TBC1D30: variants seen among roughly 807,000 people sequenced by gnomAD.
TBC1D30 encodes the protein TBC1 domain family member 30.
Under a neutral mutation model 63.2 loss-of-function variants are expected in TBC1D30, and 31 were observed. The ratio of observed to expected loss-of-function variants is 0.49; its 90% CI spans 0.37 to 0.66. The LOEUF is 0.66. TBC1D30 is among the 30% of genes least tolerant of loss of function. The pLI is 0.00. For synonymous variants in TBC1D30, 307 were observed against 361.5 expected, an observed-to-expected ratio of 0.85 and a Z score of 1.71; for missense variants, 810 against 953.6, an observed-to-expected ratio of 0.85 and a Z score of 1.98.
At chr12:64,760,553 AAAAC>A (rs989833634) in intron 1 of TBC1D30, among the ~76,000 whole-genome samples, 2 of 152,118 alleles carry the variant, frequency 1.3e-5, no homozygotes, top group Non-Finnish European at 2.9e-5. Flanking sequence ...CTCTTGTCTC[AAAAC>A]AAACAAACAA....
chr12:64,763,144 T>C (rs563457828), intron 1 of TBC1D30, among the ~76,000 whole-genome samples: 1 of 151,972 alleles, frequency 6.6e-6, no homozygotes, highest in Non-Finnish European at 1.5e-5. Context: ...TTAGTAGAGA[T>C]GGGGTTTCGC....
At chr12:64,861,976 C>T (rs1877832552) in intron 8 of TBC1D30, among the ~76,000 whole-genome samples, 1 of 152,144 alleles carries the variant, frequency 6.6e-6, no homozygotes, top group Admixed American at 6.6e-5. Flanking sequence ...TTGAAACCGT[C>T]TGTCCTGCAA....
In TBC1D30 at chr12:64,838,853, T is replaced by G; in HGVS notation, c.932+2T>G. 6.5e-7 allele frequency: 1 copy of G among 1,535,812 alleles called. No homozygotes were observed. The highest frequency in any genetic ancestry group is 8.7e-7 in the Non-Finnish European group (1 of 1,146,766). On this transcript the variant is annotated splice_donor_variant, in intron 7 of 11. Coordinates refer to ENST00000539867, the MANE Select transcript of TBC1D30 (RefSeq NM_015279.2). LOFTEE classifies it high-confidence loss of function. ...GGCTATCTGGGCAAAATTAGGAGAG[T>G]AAGTGATTTCCACCTTCTGCTCTGT...
intron 2 of TBC1D30, among the ~76,000 whole-genome samples, chr12:64,802,180 G>A (rs532367202): frequency 1.8e-3 from 267 of 152,184 alleles, no homozygotes; most frequent in African/African-American, 6.1e-3. Flanking sequence ...TTGCCTCCCC[G>A]ACATCATTTG....
At chr12:64,778,172 G>A (rs761388020), upstream of TBC1D30, among the ~76,000 whole-genome samples, 27 of 152,122 alleles carry the variant, frequency 1.8e-4, no homozygotes, top group Non-Finnish European at 3.8e-4. Context: ...TGCCAATACC[G>A]CTTCTAGGAT....
intron 8 of TBC1D30, among the ~76,000 whole-genome samples, chr12:64,857,570 G>C (rs933316706): frequency 6.6e-6 from 1 of 151,946 alleles, no homozygotes; most frequent in Non-Finnish European, 1.5e-5. Flanking sequence ...GAGGGATGGC[G>C]CAAGCCCTCC....
Position 64,878,383 on chromosome 12 carries a change from A to C in TBC1D30, c.*2595A>C, listed in dbSNP as rs1046403332. ...TGTATGCAAACACCAGAAGTACTTA[A>C]CAAGTAGTGGTTTCTTGATTTTTAG... On this transcript the variant is annotated 3_prime_UTR_variant, in exon 12 of 12. Coordinates refer to ENST00000539867, the MANE Select transcript of TBC1D30 (RefSeq NM_015279.2). 1 of 455,482 alleles carries C rather than the reference A, an allele frequency of 2.2e-6. No homozygotes were observed. Among genetic ancestry groups the C allele is most frequent in the Non-Finnish European group, 4.4e-6 (1 of 226,442 alleles). The allele number at this position is 455,482 out of a possible 1,614,324, so 28.2% of individuals were successfully genotyped here.
chr12:64,861,069 A>G (rs1434413637), intron 8 of TBC1D30, among the ~76,000 whole-genome samples: 1 of 152,246 alleles, frequency 6.6e-6, no homozygotes, highest in East Asian at 1.9e-4. Context: ...GACACTGCTT[A>G]AAGCAGAAGA....
intron 1 of TBC1D30, among the ~76,000 whole-genome samples, chr12:64,766,902 A>G (rs1870735321): frequency 1.3e-5 from 2 of 152,220 alleles, no homozygotes; most frequent in African/African-American, 4.8e-5. Context: ...AAATTTGGGT[A>G]GCTCACAAAT....
intron 2 of TBC1D30, among the ~76,000 whole-genome samples, chr12:64,790,004 A>C (rs1318688542): frequency 6.6e-6 from 1 of 152,250 alleles, no homozygotes; most frequent in Non-Finnish European, 1.5e-5. Flanking sequence ...AGCGTCACAC[A>C]GCTGGTAAGT....
chr12:64,781,528 C>T (rs979537270), intron 1 of TBC1D30, among the ~76,000 whole-genome samples: 1 of 152,300 alleles, frequency 6.6e-6, no homozygotes, highest in South Asian at 2.1e-4. Flanking sequence ...CTCTTCCCTC[C>T]TCCCATCTCC....
rs193201639 is a variant in TBC1D30 at position 64,829,125 on chromosome 12, G to A, written c.282+616G>A. On this transcript the variant is annotated intron_variant, in intron 3 of 11. Transcript: ENST00000539867. ...GTGGCAGATCGTGGAGAACCTGGTG[G>A]GCTATCATAGGTCTTGGGCTTTTGC... Among the ~76,000 whole-genome samples the A allele has an allele frequency of 1.3e-4, 20 of 152,248 alleles. No individual in the cohort carries two copies. The East Asian group carries it at 3.9e-3, about 29-fold the overall frequency.
At chr12:64,821,221 G>A (rs1173447469), upstream of TBC1D30, among the ~76,000 whole-genome samples, 2 of 152,240 alleles carry the variant, frequency 1.3e-5, no homozygotes, top group African/African-American at 2.4e-5. Flanking sequence ...GGTATTGACT[G>A]CTATTAACTG....
At chr12:64,765,695 G>A (rs1168397659) in intron 1 of TBC1D30, among the ~76,000 whole-genome samples, 1 of 150,648 alleles carries the variant, frequency 6.6e-6, no homozygotes, top group Non-Finnish European at 1.5e-5. Context: ...TGAGAAGAGA[G>A]GTGGAAGATA....
At chr12:64,785,163 T>TC (rs1555166659) in intron 1 of TBC1D30, among the ~76,000 whole-genome samples, 2 of 149,022 alleles carry the variant, frequency 1.3e-5, no homozygotes, top group African/African-American at 5.1e-5. Flanking sequence ...TTTTTTTTTT[T>TC]TCTTTGAGAC....
Position 64,824,998 on chromosome 12 carries a change from G to C in TBC1D30, c.119G>C (p.Arg40Pro). 1.3e-6 allele frequency: 2 copies of C among 1,534,200 alleles called. No homozygotes were observed. Among genetic ancestry groups the C allele is most frequent in the Non-Finnish European group, 1.7e-6 (2 of 1,146,436 alleles). The change falls in exon 1 of 12, where the codon CGG (arginine) becomes CCG (proline). Residue 40 changes from arginine (R) to proline (P), a missense_variant. By Grantham distance (103) the Arg-to-Pro change is moderately radical (BLOSUM62 -2). This residue lies in a region of TBC1D30 where 272 missense variants were observed against 335.9 expected (regional missense o/e 0.81). Coordinates refer to ENST00000539867, the MANE Select transcript of TBC1D30 (RefSeq NM_015279.2). ...CTCAAGAAGCGCAGCTGCATTTCCCGGACCGCGCCCCGGCTGCTGTGCACC... is the reference window on the plus strand; with the variant it reads ...CTCAAGAAGCGCAGCTGCATTTCCCCGACCGCGCCCCGGCTGCTGTGCACC... ...NVLKKRSCIS[R>P]TAPRLLCTLE...
upstream of TBC1D30, chr12:64,824,547 G>T (rs554551160): frequency 1.1e-4 from 27 of 244,972 alleles, no homozygotes; most frequent in African/African-American, 5.2e-4. Context: ...GCCTGCGCAC[G>T]GCGGTGCCGG....
chr12:64,818,453 T>TA, intron 2 of TBC1D30: 4 of 910,748 alleles, frequency 4.4e-6, no homozygotes, highest in Non-Finnish European at 5.2e-6. Context: ...TTTTTTTTTT[T>TA]AGACAGTCTC....
chr12:64,866,168 G>A (rs552427463), intron 9 of TBC1D30, among the ~76,000 whole-genome samples: 8 of 152,198 alleles, frequency 5.3e-5, no homozygotes, highest in Admixed American at 3.3e-4. Context: ...TGCCCAGCCC[G>A]TAAAGATTTC....
Sources: gnomAD v4.1 joint callset for allele counts (sites outside exome capture counted in the v4.1 genomes callset) on GRCh38, gnomAD v4.1.1 for gene constraint, gnomAD v4.1.1 regional missense constraint, MANE v1.5 for transcripts, NCBI Gene and HGNC (gene_info 2026-07-23, HGNC 2026-07-21) for gene names.